The following BORCS5 variants were observed in gnomAD, a reference collection of about 807,000 sequenced individuals.
BORCS5 encodes the protein BLOC-1 related complex subunit 5, also known as BLOC-1-related complex subunit 5.
In BORCS5, 17 loss-of-function variants were observed where a neutral mutation model predicts 22.1. The observed-to-expected ratio is 0.77, with a 90% CI of 0.53 to 1.15. The LOEUF (loss-of-function observed/expected upper bound fraction) is 1.15, where lower values mean the gene tolerates loss of function less well. Among genes scored for constraint, BORCS5 ranks in the 50% most tolerant of loss-of-function variants. The pLI is 0.00. For synonymous variants in BORCS5, 117 were observed against 99.8 expected, an observed-to-expected ratio of 1.17 and a Z score of -1.03; for missense variants, 247 against 253.2, an observed-to-expected ratio of 0.98 and a Z score of 0.17.
chr12:12,416,655 C>A (rs1941965482), intron 2 of BORCS5, among the ~76,000 whole-genome samples: 1 of 152,010 alleles, frequency 6.6e-6, no homozygotes, highest in African/African-American at 2.4e-5. Context: ...GAGACAGAGT[C>A]TCACTAGGTT....
In BORCS5 at chr12:12,471,158, A is replaced by G. The variant is rs1284365504; in HGVS notation, c.*5382A>G. On this transcript the variant is annotated 3_prime_UTR_variant, in exon 4 of 4. Transcript: ENST00000314565. Reference sequence around the variant, plus strand: ...TTCTAGTGTTTGAGCTGGAACCAAAAGAATGAAACTGTTTTTACATAAGTG... The same window carrying G: ...TTCTAGTGTTTGAGCTGGAACCAAAGGAATGAAACTGTTTTTACATAAGTG... Among the ~76,000 whole-genome samples, 4 of 152,240 alleles carry G rather than the reference A, an allele frequency of 2.6e-5. No individual in the cohort carries two copies. Among genetic ancestry groups the G allele is most frequent in the Non-Finnish European group, 4.4e-5 (3 of 68,044 alleles).
intron 2 of BORCS5, among the ~76,000 whole-genome samples, chr12:12,428,323 C>G (rs1422881257): frequency 6.6e-6 from 1 of 152,210 alleles, no homozygotes; most frequent in Admixed American, 6.5e-5. Flanking sequence ...GATTTTTCCA[C>G]TCAACATTTT....
chr12:12,430,502 A>G (rs1180237290), intron 2 of BORCS5, among the ~76,000 whole-genome samples: 2 of 152,174 alleles, frequency 1.3e-5, no homozygotes, highest in African/African-American at 4.8e-5. Flanking sequence ...TGAGAATTAA[A>G]GATGAGGTTT....
Position 12,429,707 on chromosome 12 carries a change from T to C in BORCS5, c.203-5921T>C, listed in dbSNP as rs548277950. Among the ~76,000 whole-genome samples the C allele has an allele frequency of 3.3e-5, 5 of 152,298 alleles. No individual in the cohort carries two copies. In the South Asian group the frequency reaches 1.0e-3, roughly 32 times the overall value. ...CCCTCGTTTCCCTCACCCTCCACCT[T>C]TTTCTCAAGAGGTAGAAGTGAGAGT... On this transcript the variant is annotated intron_variant, in intron 2 of 3. Coordinates refer to ENST00000314565, the MANE Select transcript of BORCS5 (RefSeq NM_058169.6).
At chr12:12,364,473 C>G (rs577720710) in intron 2 of BORCS5, among the ~76,000 whole-genome samples, 11 of 152,072 alleles carry the variant, frequency 7.2e-5, no homozygotes, top group Non-Finnish European at 1.6e-4. Flanking sequence ...TTGAGTAGGC[C>G]GAGAAGGAGG....
intron 2 of BORCS5, among the ~76,000 whole-genome samples, chr12:12,405,494 T>C (rs1941577005): frequency 1.3e-5 from 2 of 152,212 alleles, no homozygotes; most frequent in African/African-American, 4.8e-5. Context: ...TGTGATTTTT[T>C]TATTATGATG....
intron 1 of BORCS5, among the ~76,000 whole-genome samples, chr12:12,358,524 T>C (rs1381211533): frequency 6.6e-6 from 1 of 152,246 alleles, no homozygotes; most frequent in East Asian, 1.9e-4. Flanking sequence ...AATATAATAA[T>C]TGCCACCTTT....
chr12:12,454,419 T>C (rs1942964718), intron 3 of BORCS5, among the ~76,000 whole-genome samples: 1 of 152,244 alleles, frequency 6.6e-6, no homozygotes, highest in Non-Finnish European at 1.5e-5. Context: ...TGCACTTTTC[T>C]AATGTCCAGT....
intron 2 of BORCS5, among the ~76,000 whole-genome samples, chr12:12,408,091 C>T (rs529050818): frequency 2.0e-5 from 3 of 152,196 alleles, no homozygotes; most frequent in Non-Finnish European, 4.4e-5. Flanking sequence ...CAGTTTACCA[C>T]AATTTTTTCA....
chr12:12,372,941 C>T (rs1183234390), intron 2 of BORCS5, among the ~76,000 whole-genome samples: 2 of 152,196 alleles, frequency 1.3e-5, no homozygotes, highest in Non-Finnish European at 2.9e-5. Context: ...ACTTTGCTCT[C>T]TCTCTAACTC....
At position 12,380,762 on chromosome 12, in the gene BORCS5, T is replaced by G. The variant is rs751726213; in HGVS notation, c.202+19413T>G. On this transcript the variant is annotated intron_variant, in intron 2 of 3. Transcript: ENST00000314565. Reference sequence around the variant, plus strand: ...GAGAATTCAGTATTCTCTTTATTTCTGATTATAGCCATCAGAGTGGTTGTG... The same window carrying G: ...GAGAATTCAGTATTCTCTTTATTTCGGATTATAGCCATCAGAGTGGTTGTG... Among the ~76,000 whole-genome samples the G allele has an allele frequency of 2.0e-4, 30 of 151,456 alleles. 1 individual carries two copies. The highest frequency in any genetic ancestry group is 4.4e-4 in the Non-Finnish European group (30 of 67,720).
chr12:12,397,068 A>C (rs905440032), intron 2 of BORCS5, among the ~76,000 whole-genome samples: 2 of 151,918 alleles, frequency 1.3e-5, no homozygotes, highest in African/African-American at 4.8e-5. Flanking sequence ...CTCTCTATGG[A>C]CTTTTTGGCC....
chr12:12,384,692 C>G (rs542248755), intron 2 of BORCS5, among the ~76,000 whole-genome samples: 1 of 151,146 alleles, frequency 6.6e-6, no homozygotes, highest in South Asian at 2.1e-4. Context: ...TACTTTTCCA[C>G]CCCACACCCT....
chr12:12,423,094 C>T (rs376158412), intron 2 of BORCS5, among the ~76,000 whole-genome samples: 10 of 152,074 alleles, frequency 6.6e-5, no homozygotes, highest in South Asian at 2.1e-4. Context: ...CTCCGCCTCC[C>T]GGCTTCACGC....
At chr12:12,444,490 A>G (rs553110738) in intron 3 of BORCS5, among the ~76,000 whole-genome samples, 3 of 152,340 alleles carry the variant, frequency 2.0e-5, no homozygotes, top group East Asian at 1.9e-4. Context: ...GGCCAAACCT[A>G]TGAGTGTTGC....
chr12:12,424,816 A>G (rs1435759000), intron 2 of BORCS5, among the ~76,000 whole-genome samples: 1 of 152,170 alleles, frequency 6.6e-6, no homozygotes, highest in African/African-American at 2.4e-5. Context: ...CTGGGCATGC[A>G]TAGCAACTTT....
intron 2 of BORCS5, among the ~76,000 whole-genome samples, chr12:12,363,464 C>T (rs1863338213): frequency 1.3e-5 from 2 of 151,854 alleles, no homozygotes; most frequent in Admixed American, 6.6e-5. Flanking sequence ...AGGCCGGGCG[C>T]AGTGGCTTAC....
intron 2 of BORCS5, among the ~76,000 whole-genome samples, chr12:12,401,927 T>A (rs7960048): frequency 3.3e-5 from 5 of 151,364 alleles, no homozygotes; most frequent in South Asian, 2.1e-4. Context: ...TTAGCTGGGC[T>A]TGGTGGTGGG....
chr12:12,376,348 C>T (rs1863652232), intron 2 of BORCS5, among the ~76,000 whole-genome samples: 1 of 151,908 alleles, frequency 6.6e-6, no homozygotes, highest in Admixed American at 6.6e-5. Flanking sequence ...ATTCTCCTGC[C>T]TCAGCCTCCT....
Sources: gnomAD v4.1 joint callset for allele counts (sites outside exome capture counted in the v4.1 genomes callset) on GRCh38, gnomAD v4.1.1 for gene constraint, MANE v1.5 for transcripts, NCBI Gene and HGNC (gene_info 2026-07-23, HGNC 2026-07-21) for gene names.